BFSP1: variants seen among roughly 807,000 people sequenced by gnomAD.
BFSP1 encodes filensin.
A neutral mutation model predicts 43.9 loss-of-function variants in BFSP1; 38 were observed. The ratio of observed to expected loss-of-function variants is 0.87; its 90% CI spans 0.67 to 1.14. BFSP1 has a LOEUF of 1.14. Ranked by LOEUF, BFSP1 falls within the 50% of genes most tolerant of loss-of-function variation. The pLI, the probability that BFSP1 is intolerant of heterozygous loss-of-function variation, is 0.00. For synonymous variants in BFSP1, 352 were observed against 354.8 expected (o/e 0.99, Z 0.09); for missense variants, 850 against 875.1 (o/e 0.97, Z 0.36).
chr20:17,509,060 G>T lies in BFSP1; in HGVS notation c.628-64C>A, dbSNP rs1452939241. 16 of 1,248,448 alleles carry T rather than the reference G, an allele frequency of 1.3e-5. No homozygotes were observed. In the African/African-American group the frequency reaches 2.0e-4, roughly 16 times the overall value. The allele number at this position is 1,248,448 out of a possible 1,614,324, so 77.3% of individuals were successfully genotyped here. On this transcript the variant is annotated intron_variant, in intron 4 of 7. Transcript: ENST00000377873. Reference sequence around the variant, plus strand: ...CAGAGAGGAAAAGGGCAGAGAAGGTGCGGGGCCCTGGTATGGACGGAATAT... The same window carrying T: ...CAGAGAGGAAAAGGGCAGAGAAGGTTCGGGGCCCTGGTATGGACGGAATAT...
At chr20:17,547,310 G>A (rs2034819982) in intron 1 of BFSP1, among the ~76,000 whole-genome samples, 1 of 152,020 alleles carries the variant, frequency 6.6e-6, no homozygotes, top group Non-Finnish European at 1.5e-5. Flanking sequence ...AGGAGACAGG[G>A]CCAAAGATCT....
intron 6 of BFSP1, 112 bp from the exon 7 acceptor site, chr20:17,497,135 C>A: frequency 7.3e-6 from 5 of 683,340 alleles, no homozygotes; most frequent in Non-Finnish European, 4.7e-6. Context: ...AAATTGCTCA[C>A]GAATTAGATA....
chr20:17,566,303 C>T (rs762577405), intron 1 of BFSP1, among the ~76,000 whole-genome samples: 14 of 152,214 alleles, frequency 9.2e-5, no homozygotes, highest in Admixed American at 6.5e-4. Flanking sequence ...TCAGGCTCCT[C>T]GTTAATGTAT....
chr20:17,555,843 T>C (rs1455976578), intron 1 of BFSP1, among the ~76,000 whole-genome samples: 2 of 152,018 alleles, frequency 1.3e-5, no homozygotes, highest in Admixed American at 1.3e-4. Flanking sequence ...CAAATTCATA[T>C]GAAAGAGAAA....
intron 1 of BFSP1, among the ~76,000 whole-genome samples, chr20:17,527,412 G>C (rs1240964089): frequency 6.6e-6 from 1 of 152,202 alleles, no homozygotes; most frequent in Non-Finnish European, 1.5e-5. Context: ...ATGCTGTAAA[G>C]ACAAGTCTAG....
chr20:17,517,434 C>T, intron 2 of BFSP1: 1 of 630,118 alleles, frequency 1.6e-6, no homozygotes, highest in Non-Finnish European at 2.8e-6. Context: ...CAGGTGCACA[C>T]CACCACGCCC....
intron 1 of BFSP1, among the ~76,000 whole-genome samples, chr20:17,542,427 CAAAAAAAAA>C (rs3076281): frequency 7.8e-5 from 9 of 114,876 alleles, no homozygotes; most frequent in African/African-American, 2.0e-4. Flanking sequence ...TCATCTCTAC[CAAAAAAAAA>C]AAAAAAAAAA....
At chr20:17,519,764 A>G (rs1476805870) in intron 2 of BFSP1, among the ~76,000 whole-genome samples, 2 of 152,248 alleles carry the variant, frequency 1.3e-5, no homozygotes, top group Non-Finnish European at 2.9e-5. Flanking sequence ...CTGCAAGCAC[A>G]CTGTCCTGCT....
Position 17,511,979 on chromosome 20 carries a change from C to T in BFSP1, c.624G>A (p.Arg208=), listed in dbSNP as rs764945566. 1 of 1,603,202 alleles carries T rather than the reference C, an allele frequency of 6.2e-7. No homozygotes were observed. ...PPASIVTSGM[R]EEKLLTEREV... is the part of the protein sequence containing the mutation. The stretch of plus-strand genomic sequence containing the variant: ...CTTTTCCTGCTTCAATTCTTACCTC[C>T]CTCATCCCACTCGTCACAATGGATG... The change falls in exon 4 of 8, where the codon AGG becomes AGA. Residue 208 remains arginine, a synonymous_variant. Coordinates refer to ENST00000377873, the MANE Select transcript of BFSP1 (RefSeq NM_001195.5).
At chr20:17,508,840 A>G in intron 5 of BFSP1, 49 bp downstream of exon 5, 5 of 1,467,940 alleles carry the variant, frequency 3.4e-6, no homozygotes, top group Non-Finnish European at 4.6e-6. Flanking sequence ...TAACACCTCC[A>G]TGAAACATGT....
At position 17,522,595 on chromosome 20, in the gene BFSP1, T is replaced by A. The variant is rs551989036; in HGVS notation, c.438+2253A>T. Among the ~76,000 whole-genome samples the A allele has an allele frequency of 2.0e-5, 3 of 152,330 alleles. No homozygotes were observed. The East Asian group carries it at 5.8e-4, about 29-fold the overall frequency. On this transcript the variant is annotated intron_variant, in intron 2 of 7. Coordinates refer to ENST00000377873, the MANE Select transcript of BFSP1 (RefSeq NM_001195.5). Reference sequence around the variant, plus strand: ...AAAATTCACAACTATTAAATATCACTCCTCCATGCACTTTCTAAAGTCACC... The same window carrying A: ...AAAATTCACAACTATTAAATATCACACCTCCATGCACTTTCTAAAGTCACC...
intron 4 of BFSP1, 64 bp downstream of exon 4, chr20:17,511,912 C>A: frequency 6.9e-7 from 1 of 1,449,290 alleles, no homozygotes; most frequent in South Asian, 1.2e-5. Flanking sequence ...GAGCCCTTCC[C>A]TGGGAGTCTC....
At chr20:17,551,409 C>T (rs889520338) in intron 1 of BFSP1, among the ~76,000 whole-genome samples, 1 of 152,092 alleles carries the variant, frequency 6.6e-6, no homozygotes, top group African/African-American at 2.4e-5. Context: ...GGCGCTAAGC[C>T]GTTTATGAGT....
At chr20:17,512,175 C>A in intron 3 of BFSP1, 107 bp from the exon 4 acceptor site, 1 of 808,436 alleles carries the variant, frequency 1.2e-6, no homozygotes, top group Non-Finnish European at 2.0e-6. Context: ...TCCCTCATCA[C>A]AGACAGGACA....
chr20:17,558,919 T>G, exon 1 of BFSP1: 1 of 444,850 alleles, frequency 2.2e-6, no homozygotes, highest in South Asian at 7.1e-5. Context: ...ATAGAGAATA[T>G]AAATGAGCAA....
At chr20:17,548,466 A>G (rs962893001) in intron 1 of BFSP1, among the ~76,000 whole-genome samples, 2 of 152,220 alleles carry the variant, frequency 1.3e-5, no homozygotes, top group Non-Finnish European at 2.9e-5. Flanking sequence ...TAAAGCCTCA[A>G]GCCCAGCCAC....
chr20:17,504,910 TTTTTTG>T (rs11473744), intron 5 of BFSP1, among the ~76,000 whole-genome samples: 7 of 139,146 alleles, frequency 5.0e-5, no homozygotes, highest in Non-Finnish European at 7.5e-5. Flanking sequence ...GTAAGGTTTT[TTTTTTG>T]TTTTTGTTTT....
chr20:17,501,935 C>T (rs201055155), intron 5 of BFSP1, among the ~76,000 whole-genome samples: 9 of 152,314 alleles, frequency 5.9e-5, no homozygotes, highest in African/African-American at 2.2e-4. Context: ...CTGAGGCTGC[C>T]GCTCTGGAGT....
At chr20:17,534,706 C>G (rs2034599195), upstream of BFSP1, among the ~76,000 whole-genome samples, 1 of 152,186 alleles carries the variant, frequency 6.6e-6, no homozygotes, top group Non-Finnish European at 1.5e-5. Flanking sequence ...TTAAAGGAGA[C>G]TGAAGAGACA....
Sources: allele counts gnomAD v4.1 joint callset (sites outside exome capture counted in the v4.1 genomes callset), GRCh38; gene constraint gnomAD v4.1.1; transcripts MANE v1.5; gene names NCBI Gene and HGNC (gene_info 2026-07-23, HGNC 2026-07-21).